The following KCTD16 variants were observed in gnomAD, a reference collection of about 807,000 sequenced individuals.
The protein encoded by KCTD16 is potassium channel tetramerization domain containing 16.
A neutral mutation model predicts 33.2 loss-of-function variants in KCTD16; 13 were observed. The observed-to-expected ratio is 0.39, with a 90% CI of 0.25 to 0.62. The LOEUF (loss-of-function observed/expected upper bound fraction) is 0.62. Among genes scored for constraint, KCTD16 ranks in the 20% least tolerant of loss-of-function variants. KCTD16 has a pLI of 0.50. For synonymous variants in KCTD16, 197 were observed against 195.3 expected, an observed-to-expected ratio of 1.01 and a Z score of -0.07; for missense variants, 441 against 525.1, an observed-to-expected ratio of 0.84 and a Z score of 1.57.
At chr5:144,286,538 C>G (rs1755750759) in intron 3 of KCTD16, among the ~76,000 whole-genome samples, 1 of 152,124 alleles carries the variant, frequency 6.6e-6, no homozygotes, top group Non-Finnish European at 1.5e-5. Context: ...TCACCATGAC[C>G]CACCTGCTGT....
At chr5:144,214,813 A>T (rs745366373) in intron 3 of KCTD16, among the ~76,000 whole-genome samples, 48 of 152,118 alleles carry the variant, frequency 3.2e-4, no homozygotes, top group Non-Finnish European at 6.5e-4. Flanking sequence ...AATGTATTCT[A>T]CTTGGTTATT....
At chr5:144,231,821 C>T (rs868522596) in intron 3 of KCTD16, among the ~76,000 whole-genome samples, 1 of 152,106 alleles carries the variant, frequency 6.6e-6, no homozygotes, top group African/African-American at 2.4e-5. Flanking sequence ...TTTCTGAAGC[C>T]CCCAGCCATG....
At chr5:144,205,202 C>T (rs935512464) in intron 2 of KCTD16, 12 of 236,220 alleles carry the variant, frequency 5.1e-5, no homozygotes, top group Non-Finnish European at 7.3e-5. Flanking sequence ...GTCCCCGCCC[C>T]AAGCCCCGCG....
chr5:144,270,860 G>T (rs1755273607), intron 3 of KCTD16, among the ~76,000 whole-genome samples: 1 of 151,578 alleles, frequency 6.6e-6, no homozygotes, highest in African/African-American at 2.4e-5. Flanking sequence ...ACTACAGAAA[G>T]AAAAAAGATT....
At chr5:144,200,071 A>T (rs187071018) in intron 2 of KCTD16, among the ~76,000 whole-genome samples, 5 of 152,262 alleles carry the variant, frequency 3.3e-5, no homozygotes, top group Admixed American at 2.0e-4. Flanking sequence ...ATACATGCAC[A>T]CCGCAAAAAT....
chr5:144,356,497 G>T (rs1016731886), intron 3 of KCTD16, among the ~76,000 whole-genome samples: 1 of 152,032 alleles, frequency 6.6e-6, no homozygotes, highest in Non-Finnish European at 1.5e-5. Context: ...GAAAGATTCT[G>T]AAAGGTCAGT....
At chr5:144,379,538 C>G (rs1752164694) in intron 3 of KCTD16, among the ~76,000 whole-genome samples, 1 of 152,090 alleles carries the variant, frequency 6.6e-6, no homozygotes, top group Non-Finnish European at 1.5e-5. Flanking sequence ...ACAAGGAGTT[C>G]ATTTGGGAGC....
chr5:144,225,552 TTG>T (rs10550980), intron 3 of KCTD16, among the ~76,000 whole-genome samples: 10,881 of 138,074 alleles, frequency 0.079, 598 homozygotes, highest in African/African-American at 0.17. Flanking sequence ...CAAAAATAAA[TTG>T]TGTGTGTGTG....
intron 3 of KCTD16, among the ~76,000 whole-genome samples, chr5:144,245,693 G>C (rs937976726): frequency 5.3e-5 from 8 of 152,096 alleles, no homozygotes; most frequent in Non-Finnish European, 8.8e-5. Flanking sequence ...CCCTTGGAGC[G>C]GTTGTTGCAA....
intron 3 of KCTD16, among the ~76,000 whole-genome samples, chr5:144,383,803 T>C (rs1415680934): frequency 6.6e-6 from 1 of 152,160 alleles, no homozygotes; most frequent in East Asian, 1.9e-4. Flanking sequence ...CATCCTTTAT[T>C]TGGTTTCAGT....
chr5:144,242,983 G>T (rs1379591566), intron 3 of KCTD16, among the ~76,000 whole-genome samples: 1 of 152,124 alleles, frequency 6.6e-6, no homozygotes, highest in East Asian at 1.9e-4. Context: ...AATGTATTCA[G>T]GTTTAGTTTT....
intron 3 of KCTD16, among the ~76,000 whole-genome samples, chr5:144,462,515 T>C (rs1327408667): frequency 4.7e-5 from 7 of 148,578 alleles, no homozygotes; most frequent in Non-Finnish European, 3.0e-5. Context: ...GGGGAAAAAG[T>C]CCAGCCATCA....
intron 3 of KCTD16, among the ~76,000 whole-genome samples, chr5:144,430,800 A>G (rs1218883712): frequency 6.6e-6 from 1 of 151,682 alleles, no homozygotes; most frequent in Non-Finnish European, 1.5e-5. Context: ...CCATCTCTCC[A>G]ACCAAACAGA....
chr5:144,305,121 T>C (rs1202696222), intron 3 of KCTD16, among the ~76,000 whole-genome samples: 1 of 151,688 alleles, frequency 6.6e-6, no homozygotes, highest in Non-Finnish European at 1.5e-5. Flanking sequence ...GAGAGAAAAC[T>C]GATTAAGGTT....
rs867656486 is a variant in KCTD16 at position 144,403,564 on chromosome 5, G to C, written c.833-70096G>C. On this transcript the variant is annotated intron_variant, in intron 3 of 3. Coordinates refer to ENST00000512467, the MANE Select transcript of KCTD16 (RefSeq NM_020768.4). ...TGGAACAGATTCTCCCTCTGAGGCT[G>C]CCAAGAAGGAACCACCCTGGTGATG... Among the ~76,000 whole-genome samples the C allele has an allele frequency of 3.5e-4, 53 of 152,338 alleles. 1 individual carries two copies. Among genetic ancestry groups the C allele is most frequent in the Middle Eastern group, 6.8e-3 (2 of 294 alleles).
chr5:144,458,567 A>G (rs1754124025), intron 3 of KCTD16, among the ~76,000 whole-genome samples: 1 of 152,174 alleles, frequency 6.6e-6, no homozygotes. Flanking sequence ...GAAAAGCCAA[A>G]TGTCTTAGAC....
chr5:144,258,523 A>T (rs972375923), intron 3 of KCTD16, among the ~76,000 whole-genome samples: 1 of 152,214 alleles, frequency 6.6e-6, no homozygotes, highest in Non-Finnish European at 1.5e-5. Flanking sequence ...TGTGATTAAA[A>T]CATGACATAA....
chr5:144,469,386 C>T (rs770793991), intron 3 of KCTD16, among the ~76,000 whole-genome samples: 1 of 152,144 alleles, frequency 6.6e-6, no homozygotes, highest in African/African-American at 2.4e-5. Flanking sequence ...GCTGTAACAT[C>T]GGTGTCATTA....
intron 3 of KCTD16, among the ~76,000 whole-genome samples, chr5:144,397,249 G>A (rs1012675199): frequency 6.6e-6 from 1 of 152,044 alleles, no homozygotes; most frequent in Non-Finnish European, 1.5e-5. Flanking sequence ...CAAAGGACAT[G>A]AACTCATCCT....
Sources: allele counts gnomAD v4.1 joint callset (sites outside exome capture counted in the v4.1 genomes callset), GRCh38; gene constraint gnomAD v4.1.1; transcripts MANE v1.5; gene names NCBI Gene and HGNC (gene_info 2026-07-23, HGNC 2026-07-21).